The following ZNF10 variants were observed in gnomAD, a reference collection of about 807,000 sequenced individuals.
ZNF10 encodes the protein zinc finger protein 10.
ZNF10 carries 8 observed loss-of-function variants against 12.2 expected under a neutral mutation model. The ratio of observed to expected loss-of-function variants is 0.66; its 90% CI spans 0.39 to 1.18. ZNF10 has a LOEUF of 1.18. Among genes scored for constraint, ZNF10 ranks in the 50% most tolerant of loss-of-function variants. The probability of loss-of-function intolerance (pLI) is 0.01; values close to 1 mark genes in which losing one functional copy is unlikely to be tolerated. For missense variants in ZNF10, 603 were observed against 678.9 expected (o/e 0.89, Z 1.24); for synonymous variants, 229 against 228.2 (o/e 1.00, Z -0.03).
rs759080384 is a variant in ZNF10, at chr12:133,151,781, C to T, written c.161-28C>T. 1.9e-5 allele frequency: 31 copies of T among 1,597,096 alleles called. 2 individuals are homozygous for T. The South Asian group carries it at 3.4e-4, about 18-fold the overall frequency. On this transcript the variant is annotated intron_variant, in intron 3 of 4. Transcript: ENST00000248211. ...ACCTCAGAGCTCCCCTGACTCTTAC[C>T]CTGTTCTTTGTCTTTCACTGTGAAC... is the stretch of plus-strand genomic sequence containing the variant.
At chr12:133,141,972 G>T (rs1955947010) in intron 1 of ZNF10, among the ~76,000 whole-genome samples, 1 of 152,082 alleles carries the variant, frequency 6.6e-6, no homozygotes, top group African/African-American at 2.4e-5. Flanking sequence ...AGGAATAAGG[G>T]ATTACATTGG....
At chr12:133,137,644 T>C (rs911758005) in intron 1 of ZNF10, among the ~76,000 whole-genome samples, 1 of 152,204 alleles carries the variant, frequency 6.6e-6, no homozygotes, top group Non-Finnish European at 1.5e-5. Flanking sequence ...CAAACTCTAC[T>C]GTAAATGTGT....
Position 133,157,159 on chromosome 12 carries a change from T to G in ZNF10, c.*191T>G, listed in dbSNP as rs1008294225. On this transcript the variant is annotated 3_prime_UTR_variant, in exon 5 of 5. Transcript: ENST00000248211. ...ATTTCAGTACACAAATCCATCAGAT[T>G]TTCTTCTTTTCATGAATTCCTACAG... The G allele has an allele frequency of 1.9e-5, 9 of 469,590 alleles. No homozygotes were observed. Among genetic ancestry groups the G allele is most frequent in the Middle Eastern group, 5.8e-4 (1 of 1,714 alleles). 29.1% of individuals were successfully genotyped at this position (469,590 alleles called of 1,614,324 possible). A position where few individuals can be genotyped will look rare whatever the true frequency, so the allele number is the denominator to read the frequency against.
At chr12:133,143,029 T>TA (rs1264946344) in intron 1 of ZNF10, among the ~76,000 whole-genome samples, 1 of 152,194 alleles carries the variant, frequency 6.6e-6, no homozygotes, top group African/African-American at 2.4e-5. Context: ...GAGGTTCTGA[T>TA]ACATGTTAAA....
chr12:133,135,680 T>G (rs932255479), intron 1 of ZNF10, among the ~76,000 whole-genome samples: 1 of 152,220 alleles, frequency 6.6e-6, no homozygotes, highest in Non-Finnish European at 1.5e-5. Context: ...TCTTGGAGGT[T>G]CTCCTCAAAT....
In ZNF10 at chr12:133,151,849, G is replaced by A. The variant is rs1287780842; in HGVS notation, c.201G>A (p.Glu67=). Residue 67 remains glutamate (E), a synonymous_variant, in exon 4 of 5, where the codon GAG becomes GAA. Transcript: ENST00000248211. ...LTKPDVILRL[E]KGEEPWLVER... is the part of the protein sequence containing the mutation. ...AGCCAGATGTGATCCTCCGGTTGGA[G>A]AAGGGAGAAGAGCCCTGGCTGGTGG... The A allele has an allele frequency of 1.2e-6, 2 of 1,613,658 alleles. No homozygotes were observed. The highest frequency in any genetic ancestry group is 3.3e-5 in the Admixed American group (2 of 60,014).
At chr12:133,142,023 ATATC>A in intron 1 of ZNF10, among the ~76,000 whole-genome samples, 1 of 152,344 alleles carries the variant, frequency 6.6e-6, no homozygotes, top group South Asian at 2.1e-4. Context: ...GAGTGGAACT[ATATC>A]TACAAAGTAC....
At chr12:133,131,605 T>C (rs1955877387) in intron 1 of ZNF10, among the ~76,000 whole-genome samples, 1 of 152,176 alleles carries the variant, frequency 6.6e-6, no homozygotes, top group African/African-American at 2.4e-5. Context: ...CTCCCTACCC[T>C]TTTGAAAATT....
At chr12:133,142,572 C>T (rs1346441095) in intron 1 of ZNF10, among the ~76,000 whole-genome samples, 3 of 152,066 alleles carry the variant, frequency 2.0e-5, no homozygotes, top group Admixed American at 2.0e-4. Context: ...AAGATATACA[C>T]ATGGCTAGTA....
At chr12:133,149,965 C>G (rs1384620126) in intron 2 of ZNF10, among the ~76,000 whole-genome samples, 1 of 152,150 alleles carries the variant, frequency 6.6e-6, no homozygotes, top group Admixed American at 6.6e-5. Context: ...TTTACTACTT[C>G]AAGCAAAATC....
intron 1 of ZNF10, among the ~76,000 whole-genome samples, chr12:133,132,425 A>G (rs1955885697): frequency 6.6e-6 from 1 of 152,022 alleles, no homozygotes; most frequent in African/African-American, 2.4e-5. Flanking sequence ...GCCAGCCACC[A>G]TGCCCAGCTA....
rs112981203 is a variant in ZNF10, at chr12:133,157,046, G to C, written c.*78G>C. Reference sequence around the variant, plus strand: ...CTCCTGGAGATAAGCTGTACAAATTGAATCTATGTGGAAATGCTTTCAGTC... The same window carrying C: ...CTCCTGGAGATAAGCTGTACAAATTCAATCTATGTGGAAATGCTTTCAGTC... On this transcript the variant is annotated 3_prime_UTR_variant, in exon 5 of 5. Transcript: ENST00000248211. 5.0e-4 allele frequency: 635 copies of C among 1,257,720 alleles called. 5 individuals are homozygous for C. In the African/African-American group the frequency reaches 8.7e-3, roughly 17 times the overall value. The allele number at this position is 1,257,720 out of a possible 1,614,324, so 77.9% of individuals were successfully genotyped here.
In ZNF10 at chr12:133,156,445, T is replaced by G. The variant is rs1421622180; in HGVS notation, c.1199T>G (p.Val400Gly). Reference sequence around the variant, plus strand: ...CTCATTCTGCATCAGAGAACCCATGTGAGAGTGAGGCCCTATGAATGCAAT... The same window carrying G: ...CTCATTCTGCATCAGAGAACCCATGGGAGAGTGAGGCCCTATGAATGCAAT... ...THLILHQRTH[V>G]RVRPYECNEC... Residue 400 changes from valine to glycine, a missense_variant, in exon 5 of 5, where the codon GTG becomes GGG. Around this residue, in one of 3 missense-constraint regions of ZNF10, gnomAD observed 204 missense variants for 262.8 expected, o/e 0.78. Coordinates refer to ENST00000248211, the MANE Select transcript of ZNF10 (RefSeq NM_015394.5). 1 of 1,613,560 alleles carries G rather than the reference T, an allele frequency of 6.2e-7. No homozygotes were observed. The highest frequency in any genetic ancestry group is 1.3e-5 in the African/African-American group (1 of 75,036).
intron 4 of ZNF10, among the ~76,000 whole-genome samples, chr12:133,155,134 AG>A (rs941212231): frequency 1.8e-4 from 27 of 152,090 alleles, no homozygotes; most frequent in African/African-American, 6.0e-4. Flanking sequence ...AATGTGTGTC[AG>A]GGGAAAGTCC....
chr12:133,144,500 C>T lies in ZNF10; in HGVS notation c.8C>T (p.Ala3Val). The T allele has an allele frequency of 6.2e-7, 1 of 1,614,010 alleles. No homozygotes were observed. Among genetic ancestry groups the T allele is most frequent in the Non-Finnish European group, 8.5e-7 (1 of 1,179,920 alleles). The change falls in exon 2 of 5, where the codon GCT (alanine) becomes GTT (valine). Residue 3 changes from alanine to valine, a missense_variant. Ala to Val is a moderately conservative substitution (Grantham distance 64). This residue lies in a region of ZNF10 where 393 missense variants were observed against 399.7 expected (regional missense o/e 0.98). Coordinates refer to ENST00000248211, the MANE Select transcript of ZNF10 (RefSeq NM_015394.5). Reference sequence around the variant, plus strand: ...ATCAAGAACAAGGAGGGCATGGATGCTAAGTCACTAACTGCCTGGTCCCGG... The same window carrying T: ...ATCAAGAACAAGGAGGGCATGGATGTTAAGTCACTAACTGCCTGGTCCCGG... MD[A>V]KSLTAWSRTL...
chr12:133,133,216 G>C (rs1955890786), intron 1 of ZNF10, among the ~76,000 whole-genome samples: 1 of 152,182 alleles, frequency 6.6e-6, no homozygotes, highest in South Asian at 2.1e-4. Context: ...CTTTGTGGCT[G>C]CTGGGTCCTT....
intron 1 of ZNF10, among the ~76,000 whole-genome samples, chr12:133,138,577 C>T (rs1325915914): frequency 1.3e-5 from 2 of 152,134 alleles, no homozygotes; most frequent in African/African-American, 4.8e-5. Flanking sequence ...TGTAACTCCA[C>T]ACATATGTCC....
chr12:133,147,989 T>G (rs114225681), intron 2 of ZNF10, among the ~76,000 whole-genome samples: 376 of 152,254 alleles, frequency 2.5e-3, no homozygotes, highest in African/African-American at 8.3e-3. Flanking sequence ...TACAAGTCCT[T>G]TGTCAGATAA....
Position 133,156,352 on chromosome 12 carries a change from G to A in ZNF10, c.1106G>A (p.Arg369Lys). Residue 369 changes from arginine (R) to lysine (K), a missense_variant, in exon 5 of 5, where the codon AGG becomes AAG. By Grantham distance (26) the Arg-to-Lys change is conservative. Around this residue, in one of 3 missense-constraint regions of ZNF10, gnomAD observed 204 missense variants for 262.8 expected, o/e 0.78. Transcript: ENST00000248211. Reference sequence around the variant, plus strand: ...AGCTCTAGGCTTATTAGACACCAGAGGACACATACTGGAGAGAAACCCTAT... The same window carrying A: ...AGCTCTAGGCTTATTAGACACCAGAAGACACATACTGGAGAGAAACCCTAT... ...VHSSRLIRHQ[R>K]THTGEKPYEC... is the part of the protein sequence containing the mutation. 6.2e-7 allele frequency: 1 copy of A among 1,614,048 alleles called. No individual in the cohort carries two copies. Among genetic ancestry groups the A allele is most frequent in the Non-Finnish European group, 8.5e-7 (1 of 1,180,006 alleles).
Sources: allele counts gnomAD v4.1 joint callset (sites outside exome capture counted in the v4.1 genomes callset), GRCh38; gene constraint gnomAD v4.1.1; regional missense constraint gnomAD v4.1.1; transcripts MANE v1.5; gene names NCBI Gene and HGNC (gene_info 2026-07-23, HGNC 2026-07-21).